CDK5RAP2: variants seen among roughly 807,000 people sequenced by gnomAD.
CDK5RAP2 encodes CDK5 regulatory subunit-associated protein 2.
In CDK5RAP2, 147 loss-of-function variants were observed where a neutral mutation model predicts 232.9. The observed-to-expected ratio is 0.63, with a 90% CI of 0.55 to 0.72. The LOEUF (loss-of-function observed/expected upper bound fraction) is 0.72, where lower values mean the gene tolerates loss of function less well. Ranked by LOEUF, CDK5RAP2 falls within the 30% of genes least tolerant of loss-of-function variation. The pLI, the probability that CDK5RAP2 is intolerant of heterozygous loss-of-function variation, is 0.00. For synonymous variants in CDK5RAP2, 833 were observed against 833.7 expected (o/e 1.00, Z 0.01); for missense variants, 2,195 against 2,231.5 (o/e 0.98, Z 0.33).
intron 12 of CDK5RAP2, among the ~76,000 whole-genome samples, chr9:120,506,797 T>C (rs1484975438): frequency 3.9e-5 from 6 of 152,202 alleles, no homozygotes; most frequent in Non-Finnish European, 8.8e-5. Flanking sequence ...TTCTTATGAA[T>C]GGGCAAAGAA....
intron 12 of CDK5RAP2, among the ~76,000 whole-genome samples, chr9:120,514,965 A>G (rs2040262625): frequency 6.6e-6 from 1 of 152,224 alleles, no homozygotes; most frequent in Admixed American, 6.5e-5. Flanking sequence ...ATTACAGTAT[A>G]TACGCTTGAT....
intron 36 of CDK5RAP2, chr9:120,390,032 T>C (rs1365690997): frequency 9.4e-6 from 5 of 533,534 alleles, no homozygotes; most frequent in South Asian, 7.8e-5. Flanking sequence ...CTGACAGTGA[T>C]GCAGAGGCTA....
chr9:120,487,225 T>C, intron 14 of CDK5RAP2, 69 bp downstream of exon 14: 1 of 1,533,702 alleles, frequency 6.5e-7, no homozygotes, highest in Non-Finnish European at 9.0e-7. Flanking sequence ...TCAAAGGAGT[T>C]ATCAAATATG....
chr9:120,562,897 G>GTTT (rs2042512654), intron 3 of CDK5RAP2, among the ~76,000 whole-genome samples: 1 of 152,078 alleles, frequency 6.6e-6, no homozygotes. Context: ...AAAATTTGGA[G>GTTT]CTTTAGTATT....
chr9:120,389,805 A>T lies in CDK5RAP2; in HGVS notation c.5579-18T>A. 1.9e-6 allele frequency: 3 copies of T among 1,613,414 alleles called. No individual in the cohort carries two copies. Among genetic ancestry groups the T allele is most frequent in the Non-Finnish European group, 2.5e-6 (3 of 1,179,322 alleles). On this transcript the variant is annotated intron_variant, in intron 36 of 37. Coordinates refer to ENST00000349780, the MANE Select transcript of CDK5RAP2 (RefSeq NM_018249.6). ...TACGACCACTGAGGAGAGAGCAAAG[A>T]ATGCAATGATTAGGGCCATGGATAT... is the stretch of plus-strand genomic sequence containing the variant.
chr9:120,559,876 G>C (rs150436989), intron 3 of CDK5RAP2, among the ~76,000 whole-genome samples: 1,934 of 152,212 alleles, frequency 0.013, 24 homozygotes, highest in Admixed American at 0.019. Flanking sequence ...AGTCATTCTG[G>C]GTTCCTCCTA....
intron 29 of CDK5RAP2, among the ~76,000 whole-genome samples, chr9:120,410,496 T>C (rs1188650289): frequency 2.6e-5 from 4 of 152,194 alleles, no homozygotes; most frequent in African/African-American, 9.7e-5. Flanking sequence ...AACTTTATCG[T>C]GGCTGAGGTT....
chr9:120,439,890 T>C lies in CDK5RAP2; in HGVS notation c.3231A>G (p.Ser1077=), dbSNP rs777528070. 3 of 1,614,208 alleles carry C rather than the reference T, an allele frequency of 1.9e-6. No individual in the cohort carries two copies. Among genetic ancestry groups the C allele is most frequent in the African/African-American group, 1.3e-5 (1 of 75,058 alleles). The change falls in exon 24 of 38, where the codon TCA becomes TCG. Residue 1077 remains serine (S), a synonymous_variant. Transcript: ENST00000349780. The part of the protein sequence containing the change: ...ENPEDVLSPT[S]VATYLSSKSQ... ...TCTTGGAACTCAGGTAAGTAGCTAC[T>C]GAAGTTGGGCTCAGAACATCTTCAG...
chr9:120,442,583 G>C (rs1588346605), intron 23 of CDK5RAP2, among the ~76,000 whole-genome samples: 1 of 152,236 alleles, frequency 6.6e-6, no homozygotes, highest in Non-Finnish European at 1.5e-5. Flanking sequence ...CAGGGAAAGG[G>C]AAGCTGTCGA....
intron 37 of CDK5RAP2, 48 bp downstream of exon 37, chr9:120,389,690 ACTC>A: frequency 6.4e-7 from 1 of 1,555,536 alleles, no homozygotes; most frequent in Non-Finnish European, 8.9e-7. Context: ...CTGGCCCTGC[ACTC>A]CTCCTGACCT....
intron 21 of CDK5RAP2, among the ~76,000 whole-genome samples, chr9:120,449,811 C>A (rs2036388919): frequency 6.6e-6 from 1 of 152,120 alleles, no homozygotes; most frequent in Non-Finnish European, 1.5e-5. Flanking sequence ...AATCAAATCA[C>A]AATAAAATAC....
chr9:120,449,793 A>C (rs1271474580), intron 21 of CDK5RAP2, among the ~76,000 whole-genome samples: 1 of 152,254 alleles, frequency 6.6e-6, no homozygotes, highest in East Asian at 1.9e-4. Flanking sequence ...GTCACCAAGG[A>C]AAATGTAAAT....
intron 3 of CDK5RAP2, among the ~76,000 whole-genome samples, chr9:120,561,210 A>G (rs916083540): frequency 2.6e-5 from 4 of 152,230 alleles, no homozygotes; most frequent in African/African-American, 2.4e-5. Context: ...TTTGGAATCA[A>G]TTTCTGATGC....
In CDK5RAP2 at chr9:120,439,913, C is replaced by G. The variant is rs756985381; in HGVS notation, c.3208G>C (p.Glu1070Gln). ...ASLPSCKENP[E>Q]DVLSPTSVAT... is the part of the protein sequence containing the mutation. ...ACTGAAGTTGGGCTCAGAACATCTT[C>G]AGGATTTTCTTTGCATGATGGCAAG... The change falls in exon 24 of 38, where the codon GAA becomes CAA. Residue 1070 changes from glutamate (E) to glutamine (Q), a missense_variant. Physicochemically the swap from Glu to Gln is conservative, Grantham distance 29. Transcript: ENST00000349780. 3.7e-6 allele frequency: 6 copies of G among 1,614,192 alleles called. No individual in the cohort carries two copies. Among genetic ancestry groups the G allele is most frequent in the Non-Finnish European group, 5.1e-6 (6 of 1,180,026 alleles).
intron 3 of CDK5RAP2, among the ~76,000 whole-genome samples, chr9:120,559,570 GAAAAAAA>G (rs777727216): frequency 1.6e-5 from 1 of 60,828 alleles, no homozygotes; most frequent in Admixed American, 1.7e-4. Flanking sequence ...AGAGAAACAA[GAAAAAAA>G]AAAAAAAAAA....
Position 120,536,432 on chromosome 9 carries a change from T to C in CDK5RAP2, c.602A>G (p.Glu201Gly). The change falls in exon 7 of 38, where the codon GAG becomes GGG. Residue 201 changes from glutamate to glycine, a missense_variant. Physicochemically the swap from Glu to Gly is moderately conservative, Grantham distance 98. Transcript: ENST00000349780. Reference protein sequence around the residue: ...LRLRLESKLSEMKKMHEGDLA... With the variant: ...LRLRLESKLSGMKKMHEGDLA... Reference sequence around the variant, plus strand: ...GTCCCCCTCGTGCATCTTCTTCATCTCTGAAAGCTTGCTTTCCAAACGCAA... The same window carrying C: ...GTCCCCCTCGTGCATCTTCTTCATCCCTGAAAGCTTGCTTTCCAAACGCAA... 1 of 1,614,216 alleles carries C rather than the reference T, an allele frequency of 6.2e-7. No individual in the cohort carries two copies. The highest frequency in any genetic ancestry group is 8.5e-7 in the Non-Finnish European group (1 of 1,180,042).
intron 21 of CDK5RAP2, among the ~76,000 whole-genome samples, chr9:120,449,827 C>G (rs1173767553): frequency 1.3e-5 from 2 of 152,180 alleles, no homozygotes; most frequent in Non-Finnish European, 2.9e-5. Flanking sequence ...AATACCACTA[C>G]TTCATACCTA....
At chr9:120,534,604 C>T (rs1245562568) in intron 7 of CDK5RAP2, among the ~76,000 whole-genome samples, 6 of 152,300 alleles carry the variant, frequency 3.9e-5, no homozygotes, top group African/African-American at 1.4e-4. Context: ...GAATAAAAGG[C>T]ATAAAGATCC....
chr9:120,490,457 T>C (rs2038845219), intron 13 of CDK5RAP2, among the ~76,000 whole-genome samples: 1 of 152,084 alleles, frequency 6.6e-6, no homozygotes, highest in South Asian at 2.1e-4. Flanking sequence ...GTGAGGAGAG[T>C]GTCACCTCTA....
Sources: allele counts gnomAD v4.1 joint callset (sites outside exome capture counted in the v4.1 genomes callset), GRCh38; gene constraint gnomAD v4.1.1; transcripts MANE v1.5; gene names NCBI Gene and HGNC (gene_info 2026-07-23, HGNC 2026-07-21).